Variants in RREB1 observed in about 807,000 individuals in gnomAD.
RREB1 encodes the protein ras-responsive element-binding protein 1.
A neutral mutation model predicts 117.8 loss-of-function variants in RREB1; 27 were observed. The observed-to-expected ratio is 0.23, with a 90% CI of 0.17 to 0.32. The LOEUF (loss-of-function observed/expected upper bound fraction) is 0.32. Among genes scored for constraint, RREB1 ranks in the 10% least tolerant of loss-of-function variants. The pLI, the probability that RREB1 is intolerant of heterozygous loss-of-function variation, is 1.00. For missense variants in RREB1, 2,577 were observed against 2,378.2 expected, an observed-to-expected ratio of 1.08 and a Z score of -1.74; for synonymous variants, 1,298 against 1,026.7, an observed-to-expected ratio of 1.26 and a Z score of -5.05.
Position 7,146,100 on chromosome 6 carries a change from A to AAC in RREB1, c.-284-30543_-284-30542dup, listed in dbSNP as rs372681071. On this transcript the variant is annotated intron_variant, in intron 1 of 12. Transcript: ENST00000379938. ...ATCTTCAGACTATACTCCCCCCACC[A>AAC]ACACACACACACAGATACACACACA... is the stretch of plus-strand genomic sequence containing the variant. Among the ~76,000 whole-genome samples the AAC allele has an allele frequency of 1.0e-4, 15 of 150,588 alleles. No individual in the cohort carries two copies. The East Asian group carries it at 1.6e-3, about 16-fold the overall frequency.
chr6:7,159,841 A>G (rs1412513033), intron 1 of RREB1, among the ~76,000 whole-genome samples: 1 of 152,162 alleles, frequency 6.6e-6, no homozygotes, highest in Non-Finnish European at 1.5e-5. Flanking sequence ...AGGCTGATCA[A>G]ATTTATGGAC....
At chr6:7,118,677 C>G (rs1209768676) in intron 1 of RREB1, among the ~76,000 whole-genome samples, 1 of 151,800 alleles carries the variant, frequency 6.6e-6, no homozygotes, top group African/African-American at 2.4e-5. Context: ...ACCATTTGTT[C>G]AAAAGCTTAA....
In RREB1 at chr6:7,251,107, G is replaced by A. The variant is rs1028702242; in HGVS notation, c.*2139G>A. ...GGGAGAAGCTGTGACTAAACTCTAC[G>A]CTGCGGTGAGATGTAGCAGTAATCA... On this transcript the variant is annotated 3_prime_UTR_variant, in exon 13 of 13. Coordinates refer to ENST00000379938, the MANE Select transcript of RREB1 (RefSeq NM_001003699.4). 3 of 152,170 alleles carry A rather than the reference G, an allele frequency of 2.0e-5. No homozygotes were observed. The highest frequency in any genetic ancestry group is 2.1e-4 in the South Asian group (1 of 4,824). 9.4% of individuals were successfully genotyped at this position (152,170 alleles called of 1,614,324 possible).
chr6:7,221,050 C>G (rs931489517), intron 8 of RREB1, among the ~76,000 whole-genome samples: 1 of 152,110 alleles, frequency 6.6e-6, no homozygotes, highest in Non-Finnish European at 1.5e-5. Flanking sequence ...GATGAACCCT[C>G]GCGTCTCCAC....
chr6:7,189,627 A>T (rs2113555584), intron 6 of RREB1, among the ~76,000 whole-genome samples: 1 of 152,214 alleles, frequency 6.6e-6, no homozygotes, highest in South Asian at 2.1e-4. Flanking sequence ...GTAAGAGAGG[A>T]ACTCTCCATG....
At chr6:7,219,046 G>A (rs1767077089) in intron 8 of RREB1, 1 of 133,350 alleles carries the variant, frequency 7.5e-6, no homozygotes. Flanking sequence ...TGAGGAGTTG[G>A]AGACCCGTCT....
rs147917666 is a variant in RREB1 at position 7,247,258 on chromosome 6, G to GGAGGC, written c.4771+41_4771+45dup. The GGAGGC allele has an allele frequency of 1.2e-3, 1,939 of 1,575,062 alleles. 21 individuals are homozygous for GGAGGC. The African/African-American group carries it at 0.024, about 20-fold the overall frequency. ...AGGCCAGGTCCCCGGCCCAACAAGA[G>GGAGGC]GAGGCGAGCCGGGCACCTCTCCTAG... is the stretch of plus-strand genomic sequence containing the variant. On this transcript the variant is annotated intron_variant, in intron 12 of 12. Coordinates refer to ENST00000379938, the MANE Select transcript of RREB1 (RefSeq NM_001003699.4).
At chr6:7,196,236 T>G (rs562725629) in intron 6 of RREB1, among the ~76,000 whole-genome samples, 13 of 149,388 alleles carry the variant, frequency 8.7e-5, no homozygotes, top group South Asian at 4.2e-4. Flanking sequence ...TTTTTGTTTT[T>G]TTTTTTTTTT....
At chr6:7,153,066 G>A (rs1763191436) in intron 1 of RREB1, among the ~76,000 whole-genome samples, 1 of 145,990 alleles carries the variant, frequency 6.8e-6, no homozygotes, top group African/African-American at 2.5e-5. Context: ...TTTGGTGTGT[G>A]TGTGTGACAG....
intron 11 of RREB1, among the ~76,000 whole-genome samples, chr6:7,245,225 A>G (rs1815311): frequency 0.46 from 70,132 of 151,676 alleles, 18,222 homozygotes; most frequent in African/African-American, 0.71. Flanking sequence ...ATGAAACCCC[A>G]TCTCTACTAA....
At chr6:7,195,503 G>T (rs563585387) in intron 6 of RREB1, among the ~76,000 whole-genome samples, 17 of 152,314 alleles carry the variant, frequency 1.1e-4, no homozygotes, top group African/African-American at 3.4e-4. Flanking sequence ...CCTGTGTTAC[G>T]TTAATCAGGG....
rs1393328445 is a variant in RREB1, at chr6:7,186,601, TG to T, written c.172-832del. 2.0e-5 allele frequency among the ~76,000 whole-genome samples: 3 copies of T among 152,292 alleles called. No individual in the cohort carries two copies. The East Asian group carries it at 5.8e-4, about 29-fold the overall frequency. On this transcript the variant is annotated intron_variant, in intron 4 of 12. Transcript: ENST00000379938. The stretch of plus-strand genomic sequence containing the variant: ...AGGGACTGTGGGGGTGAGGAGTCAA[TG>T]ATGCACACAGCCTAGAACTCTGCAT...
rs747198771 is a variant in RREB1 at position 7,251,489 on chromosome 6, C to CTTGTTTTTTTT, written c.*2523_*2524insGTTTTTTTTTT. ...GTTTTTTGAGGTGCAAGTTTTTTCTCTTTTTTTTTTTTTTTTTTTTTTCTC... is the reference window on the plus strand; with the variant it reads ...GTTTTTTGAGGTGCAAGTTTTTTCTCTTGTTTTTTTTTTTTTTTTTTTTTTTTTTTTTTCTC... On this transcript the variant is annotated 3_prime_UTR_variant, in exon 13 of 13. Transcript: ENST00000379938. The CTTGTTTTTTTT allele has an allele frequency of 7.4e-5, 9 of 121,330 alleles. No individual in the cohort carries two copies. The highest frequency in any genetic ancestry group is 5.4e-3 in the Middle Eastern group (1 of 184). The allele number at this position is 121,330 out of a possible 1,614,324, so 7.5% of individuals were successfully genotyped here.
intron 1 of RREB1, among the ~76,000 whole-genome samples, chr6:7,114,938 C>T (rs1761324349): frequency 1.3e-5 from 2 of 151,798 alleles, no homozygotes; most frequent in South Asian, 4.1e-4. Flanking sequence ...GAAACTTGCT[C>T]TGGTGCTGTC....
Position 7,231,181 on chromosome 6 carries a change from C to T in RREB1, c.3082C>T (p.Pro1028Ser), listed in dbSNP as rs1466044753. 3.7e-6 allele frequency: 6 copies of T among 1,611,668 alleles called. No individual in the cohort carries two copies. The highest frequency in any genetic ancestry group is 2.5e-6 in the Non-Finnish European group (3 of 1,179,252). Residue 1028 changes from proline (P) to serine (S), a missense_variant, in exon 10 of 13, where the codon CCA becomes TCA. By Grantham distance (74) the Pro-to-Ser change is moderately conservative. Coordinates refer to ENST00000379938, the MANE Select transcript of RREB1 (RefSeq NM_001003699.4). ...CTCCTCAGCCCTGGTCAGCAGCCCT[C>T]CACTCGTGGGCAGCTCAGCCCTCCT... is the stretch of plus-strand genomic sequence containing the variant. ...IYSSALVSSP[P>S]LVGSSALLSG...
At chr6:7,221,459 A>G (rs930337470) in intron 8 of RREB1, among the ~76,000 whole-genome samples, 2 of 152,182 alleles carry the variant, frequency 1.3e-5, no homozygotes, top group Non-Finnish European at 2.9e-5. Flanking sequence ...GGCGTGAGCC[A>G]CCGCGCCCGG....
At chr6:7,152,078 C>T (rs891800211) in intron 1 of RREB1, among the ~76,000 whole-genome samples, 2 of 152,174 alleles carry the variant, frequency 1.3e-5, no homozygotes, top group African/African-American at 2.4e-5. Context: ...TTTAGAAAAT[C>T]ACCTTGCTAA....
chr6:7,149,060 C>G (rs1472910871), intron 1 of RREB1, among the ~76,000 whole-genome samples: 1 of 151,980 alleles, frequency 6.6e-6, no homozygotes, highest in Non-Finnish European at 1.5e-5. Flanking sequence ...GTAGCTGGGA[C>G]TAGAGGCGCG....
At chr6:7,128,893 C>T (rs916297942) in intron 1 of RREB1, among the ~76,000 whole-genome samples, 1 of 152,104 alleles carries the variant, frequency 6.6e-6, no homozygotes, top group African/African-American at 2.4e-5. Context: ...TGCGTGAATC[C>T]GGGAGGCGGA....
Sources: allele counts gnomAD v4.1 joint callset (sites outside exome capture counted in the v4.1 genomes callset), GRCh38; gene constraint gnomAD v4.1.1; transcripts MANE v1.5; gene names NCBI Gene and HGNC (gene_info 2026-07-23, HGNC 2026-07-21).